DNAJC12: variants seen among roughly 807,000 people sequenced by gnomAD.
The protein encoded by DNAJC12 is dnaJ homolog subfamily C member 12.
Under a neutral mutation model 28.5 loss-of-function variants are expected in DNAJC12, and 25 were observed. The ratio of observed to expected loss-of-function variants is 0.88; its 90% CI spans 0.64 to 1.22. DNAJC12 has a LOEUF of 1.22. Ranked by LOEUF, DNAJC12 falls within the 50% of genes most tolerant of loss-of-function variation. The pLI is 0.00. For missense variants in DNAJC12, 222 were observed against 231.7 expected, an observed-to-expected ratio of 0.96 and a Z score of 0.27; for synonymous variants, 77 against 80.6, an observed-to-expected ratio of 0.95 and a Z score of 0.24.
chr10:67,819,695 A>G (rs12572269), intron 2 of DNAJC12, among the ~76,000 whole-genome samples: 3,750 of 24,080 alleles, frequency 0.16, 468 homozygotes, highest in East Asian at 0.26. Flanking sequence ...AGAAAGAAAG[A>G]AAGGAAGGAA....
At chr10:67,807,321 C>A (rs1442221322) in intron 3 of DNAJC12, among the ~76,000 whole-genome samples, 1 of 151,702 alleles carries the variant, frequency 6.6e-6, no homozygotes, top group Admixed American at 6.6e-5. Flanking sequence ...CAAAAACATA[C>A]AAGGTGGGAG....
At chr10:67,809,712 T>C (rs918370384) in intron 3 of DNAJC12, among the ~76,000 whole-genome samples, 4 of 152,152 alleles carry the variant, frequency 2.6e-5, no homozygotes, top group African/African-American at 7.2e-5. Context: ...CTGGAGGCCA[T>C]TGTTCTAAGT....
intron 2 of DNAJC12, among the ~76,000 whole-genome samples, chr10:67,813,593 CAA>C (rs367637580): frequency 1.2e-4 from 15 of 124,238 alleles, no homozygotes; most frequent in African/African-American, 1.2e-4. Context: ...ACTAAAAATA[CAA>C]AAAAAAAAAA....
chr10:67,807,533 T>C (rs1841816010), intron 3 of DNAJC12, among the ~76,000 whole-genome samples: 1 of 152,196 alleles, frequency 6.6e-6, no homozygotes, highest in Non-Finnish European at 1.5e-5. Flanking sequence ...TTTAGGTTTG[T>C]TGTTTTGGTT....
chr10:67,819,572 G>A (rs1841950775), intron 2 of DNAJC12, among the ~76,000 whole-genome samples: 1 of 151,144 alleles, frequency 6.6e-6, no homozygotes, highest in Non-Finnish European at 1.5e-5. Flanking sequence ...CTGGGAAGCA[G>A]AGGTTGCAGT....
At chr10:67,803,628 C>T (rs1841770186) in intron 4 of DNAJC12, among the ~76,000 whole-genome samples, 1 of 152,174 alleles carries the variant, frequency 6.6e-6, no homozygotes, top group Non-Finnish European at 1.5e-5. Context: ...TCTGAAGTGT[C>T]TCCCACCCAC....
intron 1 of DNAJC12, chr10:67,833,795 C>A: frequency 4.0e-6 from 2 of 497,504 alleles, no homozygotes; most frequent in South Asian, 3.0e-5. Context: ...TTGGACTGAC[C>A]ATTGCTGCTG....
At chr10:67,825,780 T>C (rs1273498232) in intron 1 of DNAJC12, among the ~76,000 whole-genome samples, 2 of 152,150 alleles carry the variant, frequency 1.3e-5, no homozygotes, top group Non-Finnish European at 2.9e-5. Context: ...TTATTTTCTT[T>C]GTTAAACTTC....
At chr10:67,805,908 G>C (rs1841795952) in intron 3 of DNAJC12, 121 bp from the exon 4 acceptor site, 1 of 670,440 alleles carries the variant, frequency 1.5e-6, no homozygotes, top group Non-Finnish European at 2.3e-6. Context: ...CAGCATGTTA[G>C]ACTTGACTAT....
At position 67,797,108 on chromosome 10, in the gene DNAJC12, G is replaced by T. The variant is rs747741943; in HGVS notation, c.*8C>A. ...TTGCTCTTCCTCATTTTTTGAAGCA[G>T]AGATATTTCATATTTCATAGTTTCT... On this transcript the variant is annotated 3_prime_UTR_variant, in exon 5 of 5. Transcript: ENST00000225171. The T allele has an allele frequency of 1.9e-6, 3 of 1,609,044 alleles. No homozygotes were observed. The highest frequency in any genetic ancestry group is 2.5e-6 in the Non-Finnish European group (3 of 1,176,574).
Position 67,805,603 on chromosome 10 carries a change from G to A in DNAJC12, c.482C>T (p.Pro161Leu), listed in dbSNP as rs202233193. The A allele has an allele frequency of 7.0e-5, 113 of 1,608,860 alleles. 2 individuals are homozygous for A. The East Asian group carries it at 1.7e-3, about 24-fold the overall frequency. The change falls in exon 4 of 5, where the codon CCG becomes CTG. Residue 161 changes from proline to leucine, a missense_variant. By Grantham distance (98) the Pro-to-Leu change is moderately conservative (BLOSUM62 -3). Coordinates refer to ENST00000225171, the MANE Select transcript of DNAJC12 (RefSeq NM_021800.3). ...CTTACCTGAAGAATCTGAATTTTGC[G>A]GGGAGACTGACTTCTCTAGGGGCTT... is the stretch of plus-strand genomic sequence containing the variant. ...EPKPLEKSVSPQNSDSSGFAD... is the reference protein window; with the variant it reads ...EPKPLEKSVSLQNSDSSGFAD...
At chr10:67,825,741 TA>T (rs1269480462) in intron 1 of DNAJC12, 4 of 14,302 alleles carry the variant, frequency 2.8e-4, no homozygotes, top group Admixed American at 2.6e-3. Flanking sequence ...TAGATACGCA[TA>T]TGTATAAAAC....
At chr10:67,830,186 C>A (rs1299474508) in intron 1 of DNAJC12, among the ~76,000 whole-genome samples, 1 of 152,088 alleles carries the variant, frequency 6.6e-6, no homozygotes, top group Admixed American at 6.6e-5. Context: ...CTGGCATGGC[C>A]TGTAGTCCCA....
chr10:67,828,041 A>C (rs1842054564), intron 1 of DNAJC12, among the ~76,000 whole-genome samples: 1 of 152,252 alleles, frequency 6.6e-6, no homozygotes, highest in Admixed American at 6.5e-5. Flanking sequence ...GGTCCACTAA[A>C]TCCTGCCTTC....
intron 1 of DNAJC12, among the ~76,000 whole-genome samples, chr10:67,826,771 G>GATATAT (rs564246538): frequency 1.4e-5 from 1 of 73,334 alleles, no homozygotes; most frequent in Admixed American, 2.0e-4. Context: ...GATATCTAAT[G>GATATAT]ATATATAATA....
rs776334397 is a variant in DNAJC12, at chr10:67,823,376, G to A, written c.95C>T (p.Ala32Val). 1.2e-6 allele frequency: 2 copies of A among 1,613,916 alleles called. No individual in the cohort carries two copies. The highest frequency in any genetic ancestry group is 1.7e-6 in the Non-Finnish European group (2 of 1,179,958). Reference sequence around the variant, plus strand: ...TTCCAGAGCTCTGACTTTAAATTCTGCCAGGATTTGTTCAACCTGAAACAA... The same window carrying A: ...TTCCAGAGCTCTGACTTTAAATTCTACCAGGATTTGTTCAACCTGAAACAA... ...DELSSVEQILAEFKVRALECH... is the reference protein window; with the variant it reads ...DELSSVEQILVEFKVRALECH... Residue 32 changes from alanine (A) to valine (V), a missense_variant, in exon 2 of 5, where the codon GCA (alanine) becomes GTA (valine). By Grantham distance (64) the Ala-to-Val change is moderately conservative. Coordinates refer to ENST00000225171, the MANE Select transcript of DNAJC12 (RefSeq NM_021800.3).
chr10:67,809,461 T>G (rs1262649399), intron 3 of DNAJC12, among the ~76,000 whole-genome samples: 1 of 152,126 alleles, frequency 6.6e-6, no homozygotes, highest in Non-Finnish European at 1.5e-5. Flanking sequence ...CGCCAACATA[T>G]TCATTGACCT....
chr10:67,806,589 C>G (rs1399014452), intron 3 of DNAJC12, among the ~76,000 whole-genome samples: 1 of 152,044 alleles, frequency 6.6e-6, no homozygotes. Context: ...TTTGGGAAGC[C>G]AAGGTGGGTG....
chr10:67,826,141 CT>C (rs11341698), intron 1 of DNAJC12, among the ~76,000 whole-genome samples: 102,048 of 143,526 alleles, frequency 0.71, 36,821 homozygotes, highest in Non-Finnish European at 0.8. Context: ...CTTTTTTTTT[CT>C]TTTTTTTTTT....
Sources: gnomAD v4.1 joint callset for allele counts (sites outside exome capture counted in the v4.1 genomes callset) on GRCh38, gnomAD v4.1.1 for gene constraint, MANE v1.5 for transcripts, NCBI Gene and HGNC (gene_info 2026-07-23, HGNC 2026-07-21) for gene names.